Variants in UCK2 observed in about 807,000 individuals in gnomAD.
UCK2 encodes the protein cytidine monophosphokinase 2.
In UCK2, 6 loss-of-function variants were observed where a neutral mutation model predicts 30.8. The ratio of observed to expected loss-of-function variants is 0.19; its 90% CI spans 0.11 to 0.38. The LOEUF is 0.38. Among genes scored for constraint, UCK2 ranks in the 10% least tolerant of loss-of-function variants. UCK2 has a pLI of 1.00. For synonymous variants in UCK2, 125 were observed against 133.6 expected (o/e 0.94, Z 0.45); for missense variants, 210 against 339.8 (o/e 0.62, Z 3.00).
intron 1 of UCK2, among the ~76,000 whole-genome samples, chr1:165,848,897 C>T (rs1206568132): frequency 1.3e-5 from 2 of 152,068 alleles, no homozygotes; most frequent in Admixed American, 6.5e-5. Flanking sequence ...GATGGGACAA[C>T]CTAGTTGGAT....
chr1:165,891,574 A>C, intron 3 of UCK2: 1 of 441,970 alleles, frequency 2.3e-6, no homozygotes, highest in Non-Finnish European at 4.1e-6. Context: ...GAAGGATGGG[A>C]TAGTGATTTC....
At chr1:165,854,643 A>AAAT (rs1491505639) in intron 1 of UCK2, among the ~76,000 whole-genome samples, 3 of 145,054 alleles carry the variant, frequency 2.1e-5, no homozygotes, top group Non-Finnish European at 4.6e-5. Context: ...ATAAATAAAT[A>AAAT]AAGTGAGTGT....
chr1:165,853,718 T>C (rs2101859716), intron 1 of UCK2, among the ~76,000 whole-genome samples: 1 of 152,316 alleles, frequency 6.6e-6, no homozygotes, highest in South Asian at 2.1e-4. Context: ...GGGCCCCTAG[T>C]ATTACCAGGT....
chr1:165,868,854 C>T (rs1655118279), intron 1 of UCK2, among the ~76,000 whole-genome samples: 1 of 152,210 alleles, frequency 6.6e-6, no homozygotes, highest in African/African-American at 2.4e-5. Context: ...TGGCTGACTC[C>T]TTGGCATAAG....
chr1:165,895,041 A>G (rs1655859244), intron 3 of UCK2, among the ~76,000 whole-genome samples: 1 of 152,234 alleles, frequency 6.6e-6, no homozygotes, highest in African/African-American at 2.4e-5. Flanking sequence ...GCAGCAAGGC[A>G]AAGCTGAGCA....
At chr1:165,829,614 G>A (rs573933717) in intron 1 of UCK2, among the ~76,000 whole-genome samples, 2 of 152,276 alleles carry the variant, frequency 1.3e-5, no homozygotes, top group East Asian at 3.9e-4. Context: ...TGAAAACTGC[G>A]ACCCTAAAAG....
chr1:165,841,690 G>T (rs983003153), intron 1 of UCK2, among the ~76,000 whole-genome samples: 1 of 152,202 alleles, frequency 6.6e-6, no homozygotes, highest in Non-Finnish European at 1.5e-5. Flanking sequence ...CAGGGAGCTT[G>T]TATGTTTAGG....
intron 3 of UCK2, 134 bp from the exon 4 acceptor site, chr1:165,896,056 G>T: frequency 8.5e-7 from 1 of 1,171,234 alleles, no homozygotes; most frequent in Non-Finnish European, 1.2e-6. Flanking sequence ...TATTAGCCAA[G>T]TCTTTAGCCC....
intron 1 of UCK2, among the ~76,000 whole-genome samples, chr1:165,889,707 T>TA (rs1553200244): frequency 5.3e-5 from 8 of 150,264 alleles, no homozygotes; most frequent in Non-Finnish European, 1.0e-4. Flanking sequence ...TTTTTTTTTT[T>TA]AATTTAACTT....
chr1:165,881,536 G>A (rs1655501663), intron 1 of UCK2, among the ~76,000 whole-genome samples: 1 of 152,166 alleles, frequency 6.6e-6, no homozygotes, highest in African/African-American at 2.4e-5. Flanking sequence ...TTTTTCAGAC[G>A]TTTGACTTTG....
chr1:165,839,228 T>C (rs962053474), intron 1 of UCK2, among the ~76,000 whole-genome samples: 10 of 152,188 alleles, frequency 6.6e-5, no homozygotes, highest in African/African-American at 2.4e-4. Context: ...TACCTCCTTT[T>C]GTAGAGAAAG....
At position 165,909,308 on chromosome 1, in the gene UCK2, T is replaced by C. The variant is rs1172006965; in HGVS notation, c.*1485T>C. On this transcript the variant is annotated 3_prime_UTR_variant, in exon 7 of 7. Transcript: ENST00000367879. The stretch of plus-strand genomic sequence containing the variant: ...GAAGAGCCAGAGATGTTCATTTCAT[T>C]GTTGACCACCCTAGTGCTTGGTGGA... 6.6e-6 allele frequency: 1 copy of C among 152,202 alleles called. No individual in the cohort carries two copies. Among genetic ancestry groups the C allele is most frequent in the African/African-American group, 2.4e-5 (1 of 41,444 alleles). The allele number at this position is 152,202 out of a possible 1,614,324, so 9.4% of individuals were successfully genotyped here.
intron 1 of UCK2, among the ~76,000 whole-genome samples, chr1:165,882,918 G>A (rs182727837): frequency 3.9e-5 from 6 of 152,148 alleles, no homozygotes; most frequent in South Asian, 2.1e-4. Flanking sequence ...TCTGCCTCCC[G>A]GGTTCAAGCG....
intron 1 of UCK2, among the ~76,000 whole-genome samples, chr1:165,861,645 AAAAAC>A (rs1443929907): frequency 6.8e-4 from 47 of 68,922 alleles, no homozygotes; most frequent in Non-Finnish European, 9.4e-4. Context: ...AAAAAAAAAA[AAAAAC>A]AAAAAAAAAC....
chr1:165,852,443 G>C (rs536922733), intron 1 of UCK2, among the ~76,000 whole-genome samples: 2 of 152,158 alleles, frequency 1.3e-5, no homozygotes, highest in African/African-American at 4.8e-5. Context: ...AGACATTTAC[G>C]TGGCCAACAA....
intron 1 of UCK2, among the ~76,000 whole-genome samples, chr1:165,828,639 G>C (rs1489928854): frequency 6.6e-6 from 1 of 152,172 alleles, no homozygotes; most frequent in Non-Finnish European, 1.5e-5. Flanking sequence ...AAGCTCTTCG[G>C]TGTCCAGGAC....
At chr1:165,892,420 T>C (rs1655794180) in intron 3 of UCK2, among the ~76,000 whole-genome samples, 1 of 151,942 alleles carries the variant, frequency 6.6e-6, no homozygotes. Context: ...GAAGCTGGGG[T>C]TCATGGAAAA....
chr1:165,902,095 G>A (rs551492286), intron 4 of UCK2, among the ~76,000 whole-genome samples: 1 of 152,168 alleles, frequency 6.6e-6, no homozygotes, highest in African/African-American at 2.4e-5. Context: ...AATTAGCCAG[G>A]CGTGGTGGCA....
At chr1:165,837,351 G>A (rs1654220891) in intron 1 of UCK2, among the ~76,000 whole-genome samples, 2 of 152,182 alleles carry the variant, frequency 1.3e-5, no homozygotes, top group South Asian at 4.1e-4. Flanking sequence ...GTCACACAAA[G>A]TACTTCTTGA....
Sources: gnomAD v4.1 joint callset for allele counts (sites outside exome capture counted in the v4.1 genomes callset) on GRCh38, gnomAD v4.1.1 for gene constraint, MANE v1.5 for transcripts, NCBI Gene and HGNC (gene_info 2026-07-23, HGNC 2026-07-21) for gene names.